RBPJ: variants seen among roughly 807,000 people sequenced by gnomAD.
The protein encoded by RBPJ is recombining binding protein suppressor of hairless.
Under a neutral mutation model 67.8 loss-of-function variants are expected in RBPJ, and 9 were observed. That is an observed-to-expected ratio of 0.13 (90% CI 0.08 to 0.23). RBPJ has a LOEUF of 0.23. RBPJ is among the 10% of genes least tolerant of loss of function. The probability of loss-of-function intolerance (pLI) is 1.00; values close to 1 mark genes in which losing one functional copy is unlikely to be tolerated. For synonymous variants in RBPJ, 198 were observed against 203.3 expected, an observed-to-expected ratio of 0.97 and a Z score of 0.22; for missense variants, 305 against 595.6, an observed-to-expected ratio of 0.51 and a Z score of 5.08.
At chr4:26,155,800 A>T in the RBPJ span, among the ~76,000 whole-genome samples, 1 of 152,206 alleles carries the variant, frequency 6.6e-6, no homozygotes, top group Non-Finnish European at 1.5e-5. Context: ...GGTCAGAGAG[A>T]GAAAACCTGC....
intron 1 of RBPJ, among the ~76,000 whole-genome samples, chr4:26,246,700 ACT>A (rs987796975): frequency 6.6e-6 from 1 of 151,946 alleles, no homozygotes; most frequent in African/African-American, 2.4e-5. Flanking sequence ...TGGACTTAAA[ACT>A]CTCTAAAAGC....
chr4:26,362,424 A>AT (rs900539407), intron 1 of RBPJ: 174 of 1,400,204 alleles, frequency 1.2e-4, no homozygotes, highest in Non-Finnish European at 1.6e-4. Flanking sequence ...TTAAGGCCTT[A>AT]TTTTTTGTTT....
Position 26,430,421 on chromosome 4 carries a change from G to A in RBPJ, c.1047G>A (p.Leu349=). 6.2e-7 allele frequency: 1 copy of A among 1,612,072 alleles called. No homozygotes were observed. The highest frequency in any genetic ancestry group is 8.5e-7 in the Non-Finnish European group (1 of 1,178,766). The change falls in exon 10 of 11, where the codon TTG becomes TTA. Residue 349 remains leucine, a splice_region_variant and synonymous_variant. Transcript: ENST00000355476. The surrounding 1 kb of genome is among the most constrained non-coding windows in gnomAD (Gnocchi z 4.1). The stretch of plus-strand genomic sequence containing the variant: ...TTGTGATTTTCTGTGAATTGCAGTT[G>A]AATGGCGGTGGGGACGTAGCAATGC... The part of the protein sequence containing the change: ...TPVPVVESLQ[L]NGGGDVAMLE...
intron 1 of RBPJ, among the ~76,000 whole-genome samples, chr4:26,328,929 T>TGGCCTAA (rs1239722308): frequency 6.6e-5 from 10 of 152,196 alleles, no homozygotes; most frequent in African/African-American, 2.4e-4. Flanking sequence ...TGATTATGGA[T>TGGCCTAA]GGCCTAAGGT....
chr4:26,114,322 G>A, the RBPJ span, among the ~76,000 whole-genome samples: 1 of 151,894 alleles, frequency 6.6e-6, no homozygotes, highest in South Asian at 2.1e-4. Flanking sequence ...AGTCGGGCAT[G>A]GTGGCGTGTG....
chr4:26,168,941 T>C (rs1716432974), intron 1 of RBPJ, among the ~76,000 whole-genome samples: 1 of 152,228 alleles, frequency 6.6e-6, no homozygotes, highest in Admixed American at 6.5e-5. Flanking sequence ...TAAGCACTTC[T>C]CTGTATTGGT....
At chr4:26,287,039 G>A (rs1018787256) in intron 1 of RBPJ, among the ~76,000 whole-genome samples, 13 of 151,980 alleles carry the variant, frequency 8.6e-5, no homozygotes, top group Admixed American at 5.9e-4. Flanking sequence ...CGCCCACCTC[G>A]GCCTCCCAAA....
intron 1 of RBPJ, among the ~76,000 whole-genome samples, chr4:26,289,073 A>G (rs1356641591): frequency 6.6e-6 from 1 of 150,880 alleles, no homozygotes; most frequent in Non-Finnish European, 1.5e-5. Context: ...AATTACTTGA[A>G]GCAGTTTACA....
At chr4:26,389,425 C>T (rs1731265678) in intron 2 of RBPJ, among the ~76,000 whole-genome samples, 1 of 150,604 alleles carries the variant, frequency 6.6e-6, no homozygotes, top group Non-Finnish European at 1.5e-5. Flanking sequence ...CTTTGAAGTG[C>T]TCAAGGGGGA....
intron 7 of RBPJ, among the ~76,000 whole-genome samples, chr4:26,428,455 A>G (rs990829909): frequency 2.0e-5 from 3 of 152,048 alleles, no homozygotes; most frequent in African/African-American, 7.2e-5. Flanking sequence ...GATCTAGAAA[A>G]CAAGTGCCTG....
chr4:26,215,403 G>C (rs1011436781), intron 1 of RBPJ, among the ~76,000 whole-genome samples: 1 of 16,792 alleles, frequency 6.0e-5, no homozygotes, highest in Non-Finnish European at 1.3e-4. Context: ...GGAAGGAAGG[G>C]GGGGGAAGGA....
intron 2 of RBPJ, among the ~76,000 whole-genome samples, chr4:26,404,162 C>T (rs57991198): frequency 0.028 from 4,188 of 152,046 alleles, 211 homozygotes; most frequent in African/African-American, 0.096. Context: ...TTGTTGGCCA[C>T]TTTTCATATG....
chr4:26,321,094 G>C, intron 1 of RBPJ, 46 bp downstream of exon 1: 1 of 1,480,178 alleles, frequency 6.8e-7, no homozygotes, highest in Non-Finnish European at 9.4e-7. Flanking sequence ...AAAGTTGCGG[G>C]CGTCTGGCAG....
At chr4:26,406,513 A>C (rs531478559) in intron 3 of RBPJ, among the ~76,000 whole-genome samples, 8 of 152,336 alleles carry the variant, frequency 5.3e-5, no homozygotes, top group African/African-American at 1.7e-4. Context: ...TCAGCAAGGC[A>C]GTCTTTACTT....
chr4:26,131,226 G>A, the RBPJ span, among the ~76,000 whole-genome samples: 1 of 152,228 alleles, frequency 6.6e-6, no homozygotes. Flanking sequence ...GGCGGAAGCT[G>A]TGGCACTAGT....
At chr4:26,417,482 T>TAAAATAGTATTTA (rs1334389790) in intron 4 of RBPJ, among the ~76,000 whole-genome samples, 1 of 152,208 alleles carries the variant, frequency 6.6e-6, no homozygotes, top group African/African-American at 2.4e-5. Flanking sequence ...CTTGAGCATT[T>TAAAATAGTATTTA]AACTAGTATT....
chr4:26,131,421 TACACACACAC>T, the RBPJ span, among the ~76,000 whole-genome samples: 4 of 151,594 alleles, frequency 2.6e-5, no homozygotes, highest in Non-Finnish European at 4.4e-5. Flanking sequence ...AAAATTGTTT[TACACACACAC>T]ACACAGACAC....
intron 1 of RBPJ, among the ~76,000 whole-genome samples, chr4:26,232,984 G>T (rs1379465529): frequency 6.6e-6 from 1 of 152,198 alleles, no homozygotes; most frequent in Non-Finnish European, 1.5e-5. Flanking sequence ...AAGAAGTAAA[G>T]TTCAAAAAGA....
At chr4:26,197,793 G>C (rs1717824514) in intron 1 of RBPJ, among the ~76,000 whole-genome samples, 1 of 152,060 alleles carries the variant, frequency 6.6e-6, no homozygotes, top group African/African-American at 2.4e-5. Flanking sequence ...AGAGAGAATA[G>C]GTAAAGGAGA....
Sources: allele counts gnomAD v4.1 joint callset (sites outside exome capture counted in the v4.1 genomes callset), GRCh38; gene constraint gnomAD v4.1.1; non-coding constraint Gnocchi (gnomAD v3.1); transcripts MANE v1.5; gene names NCBI Gene and HGNC (gene_info 2026-07-23, HGNC 2026-07-21).